The following LONP1 variants were observed in gnomAD, a reference collection of about 807,000 sequenced individuals.
LONP1 encodes the protein lon protease homolog, mitochondrial.
LONP1 carries 31 observed loss-of-function variants against 98.5 expected under a neutral mutation model. That is an observed-to-expected ratio of 0.31 (90% CI 0.24 to 0.42). The LOEUF (loss-of-function observed/expected upper bound fraction) is 0.42, where lower values mean the gene tolerates loss of function less well. Ranked by LOEUF, LONP1 falls within the 20% of genes least tolerant of loss-of-function variation. The pLI is 1.00. For synonymous variants in LONP1, 781 were observed against 594.7 expected, an observed-to-expected ratio of 1.31 and a Z score of -4.56; for missense variants, 1,336 against 1,350.6, an observed-to-expected ratio of 0.99 and a Z score of 0.17.
Position 5,711,931 on chromosome 19 carries a change from C to T in LONP1, c.710G>A (p.Arg237Lys), listed in dbSNP as rs2055244798. 1.2e-6 allele frequency: 2 copies of T among 1,613,334 alleles called. No homozygotes were observed. Residue 237 changes from arginine to lysine, a missense_variant, in exon 4 of 18, where the codon AGG becomes AAG. By Grantham distance (26) the Arg-to-Lys change is conservative. Coordinates refer to ENST00000360614, the MANE Select transcript of LONP1 (RefSeq NM_004793.4). ...PEAENKHKPR[R>K]KSKRGKKEAE... ...CTCCTTCTTGCCCCGCTTTGACTTC[C>T]TGCGGGGCTTGTGCTTGTTCTCCGC...
At position 5,719,842 on chromosome 19, in the gene LONP1, CGCGCCGCCG is replaced by C. The variant is rs762808010; in HGVS notation, c.282_290del (p.Ala97_Gly99del). On this transcript the variant is annotated inframe_deletion, in exon 1 of 18. Transcript: ENST00000360614. The stretch of plus-strand genomic sequence containing the variant: ...CTTCCCCGGCGCCCGCGCTGCCCCC[CGCGCCGCCG>C]GCTCCTTCCTCCGCGCCGCCCTCGG... The C allele has an allele frequency of 5.8e-5, 93 of 1,607,728 alleles. 1 individual carries two copies. The South Asian group carries it at 1.0e-3, about 17-fold the overall frequency.
intron 4 of LONP1, among the ~76,000 whole-genome samples, chr19:5,710,001 T>C (rs574023284): frequency 6.6e-6 from 1 of 151,602 alleles, no homozygotes; most frequent in South Asian, 2.1e-4. Flanking sequence ...GGTCGCTGTC[T>C]TCCCCCTGTT....
chr19:5,714,642 G>A (rs144488616), intron 1 of LONP1, among the ~76,000 whole-genome samples: 2,650 of 133,568 alleles, frequency 0.02, 98 homozygotes, highest in African/African-American at 0.07. Context: ...TTTCTGAGAC[G>A]GAGTCTCGCT....
At chr19:5,695,936 C>T (rs1286654632) in intron 13 of LONP1, 118 bp downstream of exon 13, 35 of 797,326 alleles carry the variant, frequency 4.4e-5, no homozygotes, top group Non-Finnish European at 6.2e-5. Flanking sequence ...GCTCCTCGGC[C>T]GCAGGTCCCA....
chr19:5,707,668 G>C (rs776950215), intron 6 of LONP1, 29 bp downstream of exon 6: 4 of 1,593,314 alleles, frequency 2.5e-6, no homozygotes, highest in Non-Finnish European at 2.6e-6. Context: ...AGCCAGGCGT[G>C]GGGGGCTGTG....
intron 17 of LONP1, 85 bp from the exon 18 acceptor site, chr19:5,692,293 G>A (rs1205900726): frequency 2.2e-6 from 3 of 1,354,810 alleles, no homozygotes; most frequent in South Asian, 1.4e-5. Flanking sequence ...AGGGCTTCCT[G>A]GGGACCGGCG....
At position 5,719,728 on chromosome 19, in the gene LONP1, G is replaced by A; in HGVS notation, c.405C>T (p.Phe135=). The A allele has an allele frequency of 8.1e-6, 13 of 1,613,878 alleles. No individual in the cohort carries two copies. The highest frequency in any genetic ancestry group is 1.0e-5 in the Non-Finnish European group (12 of 1,180,040). Residue 135 remains phenylalanine (F), a synonymous_variant, in exon 1 of 18, where the codon TTC becomes TTT. Transcript: ENST00000360614. ...CCTCGATAATCTTGATAAAGCGCGG[G>A]AACACCGGGTTGCGGGTGATGGCGA... ...PLIAITRNPV[F]PRFIKIIEVK... is the part of the protein sequence containing the mutation.
rs745821180 is a variant in LONP1 at position 5,719,776 on chromosome 19, A to T, written c.357T>A (p.Asp119Glu). 9.3e-6 allele frequency: 15 copies of T among 1,613,234 alleles called. No individual in the cohort carries two copies. Reference protein sequence around the residue: ...ITALTPMTIPDVFPHLPLIAI... With the variant: ...ITALTPMTIPEVFPHLPLIAI... The stretch of plus-strand genomic sequence containing the variant: ...CGATGAGCGGCAGGTGCGGAAACAC[A>T]TCGGGGATCGTCATGGGCGTGAGCG... The change falls in exon 1 of 18, where the codon GAT becomes GAA. Residue 119 changes from aspartate to glutamate, a missense_variant. Coordinates refer to ENST00000360614, the MANE Select transcript of LONP1 (RefSeq NM_004793.4).
At chr19:5,719,582 C>T (rs1409732512) in intron 1 of LONP1, 122 bp downstream of exon 1, 4 of 1,532,184 alleles carry the variant, frequency 2.6e-6, no homozygotes, top group South Asian at 1.2e-5. Context: ...TCGAACTGCA[C>T]CCTTCGAGAA....
chr19:5,691,926 TGCTC>T lies in LONP1; in HGVS notation c.*102_*105del. 1 of 1,255,908 alleles carries T rather than the reference TGCTC, an allele frequency of 8.0e-7. No individual in the cohort carries two copies. The highest frequency in any genetic ancestry group is 2.4e-5 in the East Asian group (1 of 41,100). 77.8% of individuals were successfully genotyped at this position (1,255,908 alleles called of 1,614,324 possible). The stretch of plus-strand genomic sequence containing the variant: ...TGGGATCTGGGTCACTGGACCGAGC[TGCTC>T]GCTCGGTGGCTCCACTGCCAGGTCC... On this transcript the variant is annotated 3_prime_UTR_variant, in exon 18 of 18. Coordinates refer to ENST00000360614, the MANE Select transcript of LONP1 (RefSeq NM_004793.4).
At position 5,707,833 on chromosome 19, in the gene LONP1, G is replaced by C; in HGVS notation, c.933-7C>G. On this transcript the variant is annotated splice_polypyrimidine_tract_variant and splice_region_variant and intron_variant, in intron 5 of 17. Transcript: ENST00000360614. ...CATCTGCAGCACTGACTCCCTGGGG[G>C]ACAAAGGGAGCTGCCTCGGTGGCCA... is the stretch of plus-strand genomic sequence containing the variant. The C allele has an allele frequency of 6.2e-7, 1 of 1,612,554 alleles. No homozygotes were observed. The highest frequency in any genetic ancestry group is 8.5e-7 in the Non-Finnish European group (1 of 1,179,676).
At chr19:5,695,633 A>C (rs1368954731) in intron 13 of LONP1, among the ~76,000 whole-genome samples, 2 of 152,098 alleles carry the variant, frequency 1.3e-5, no homozygotes, top group Admixed American at 6.5e-5. Flanking sequence ...AGAAAAAAAA[A>C]CACATGAGAA....
chr19:5,709,594 G>A (rs1216923755), intron 4 of LONP1, among the ~76,000 whole-genome samples: 1 of 152,052 alleles, frequency 6.6e-6, no homozygotes, highest in Non-Finnish European at 1.5e-5. Flanking sequence ...CAGGCCCACT[G>A]GAGGTCCGGG....
At chr19:5,692,557 T>C (rs948287986) in intron 17 of LONP1, among the ~76,000 whole-genome samples, 1 of 152,106 alleles carries the variant, frequency 6.6e-6, no homozygotes, top group Non-Finnish European at 1.5e-5. Flanking sequence ...TGAACAGGGT[T>C]CCTGTGAGCA....
chr19:5,707,949 T>C, intron 5 of LONP1, 123 bp from the exon 6 acceptor site: 2 of 1,137,176 alleles, frequency 1.8e-6, no homozygotes, highest in Non-Finnish European at 2.5e-6. Context: ...GGTCTAGGGG[T>C]GCTCGCTGGG....
chr19:5,700,356 G>A (rs768220224), intron 9 of LONP1, among the ~76,000 whole-genome samples: 86 of 152,016 alleles, frequency 5.7e-4, no homozygotes, highest in Non-Finnish European at 1.0e-3. Flanking sequence ...CAGGTGATCT[G>A]CATGCCTCAG....
intron 9 of LONP1, among the ~76,000 whole-genome samples, chr19:5,699,469 G>A (rs1170822224): frequency 6.6e-6 from 1 of 151,956 alleles, no homozygotes; most frequent in Non-Finnish European, 1.5e-5. Context: ...GGCCCGTTCA[G>A]CAGTTCCCGG....
intron 3 of LONP1, 46 bp downstream of exon 3, chr19:5,713,088 G>T (rs200303306): frequency 3.2e-5 from 52 of 1,612,468 alleles, no homozygotes; most frequent in African/African-American, 1.2e-4. Context: ...GGTCTCCCGC[G>T]TGGTACTCTG....
Position 5,707,891 on chromosome 19 carries a change from A to G in LONP1, c.933-65T>C, listed in dbSNP as rs368006554. On this transcript the variant is annotated intron_variant, in intron 5 of 17. Coordinates refer to ENST00000360614, the MANE Select transcript of LONP1 (RefSeq NM_004793.4). ...ACGCTCTGCTGCAGTGCAGCCCCCA[A>G]ACGGGGACCCGGTCCTCAGGGTCCC... 217 of 1,584,272 alleles carry G rather than the reference A, an allele frequency of 1.4e-4. No individual in the cohort carries two copies. In the African/African-American group the frequency reaches 2.7e-3, roughly 20 times the overall value.
Sources: allele counts gnomAD v4.1 joint callset (sites outside exome capture counted in the v4.1 genomes callset), GRCh38; gene constraint gnomAD v4.1.1; transcripts MANE v1.5; gene names NCBI Gene and HGNC (gene_info 2026-07-23, HGNC 2026-07-21).